Variants in GNAQ observed in about 807,000 individuals in gnomAD.
GNAQ encodes G protein subunit alpha q.
Under a neutral mutation model 43.9 loss-of-function variants are expected in GNAQ, and 8 were observed. That is an observed-to-expected ratio of 0.18 (90% CI 0.11 to 0.33). The LOEUF is 0.33. Among genes scored for constraint, GNAQ ranks in the 10% least tolerant of loss-of-function variants. The pLI, the probability that GNAQ is intolerant of heterozygous loss-of-function variation, is 1.00. For missense variants in GNAQ, 158 were observed against 450.8 expected (o/e 0.35, Z 5.88); for synonymous variants, 155 against 170.7 (o/e 0.91, Z 0.71).
chr9:77,882,548 C>T (rs796642993), intron 2 of GNAQ, among the ~76,000 whole-genome samples: 49 of 152,224 alleles, frequency 3.2e-4, no homozygotes, highest in African/African-American at 1.1e-3. Context: ...GTTGATTATG[C>T]GAGCTGTTTA....
chr9:77,862,766 ATTTTC>A (rs1187734789), intron 2 of GNAQ, among the ~76,000 whole-genome samples: 2 of 152,146 alleles, frequency 1.3e-5, no homozygotes, highest in African/African-American at 4.8e-5. Flanking sequence ...ATAAAATGGA[ATTTTC>A]TTTTCTATCA....
At chr9:77,750,720 A>G (rs1470997371) in intron 5 of GNAQ, among the ~76,000 whole-genome samples, 2 of 152,214 alleles carry the variant, frequency 1.3e-5, no homozygotes, top group East Asian at 3.9e-4. Flanking sequence ...AACACTTGCT[A>G]TATTAACCTC....
intron 5 of GNAQ, among the ~76,000 whole-genome samples, chr9:77,759,849 A>G (rs1825962381): frequency 6.6e-6 from 1 of 152,082 alleles, no homozygotes; most frequent in Non-Finnish European, 1.5e-5. Context: ...ACTACAGTAT[A>G]TAATGTTCTT....
chr9:77,999,667 T>C (rs904966313), intron 1 of GNAQ, among the ~76,000 whole-genome samples: 6 of 152,218 alleles, frequency 3.9e-5, no homozygotes, highest in African/African-American at 7.2e-5. Context: ...AAACATTTAC[T>C]GACCATCTAT....
intron 3 of GNAQ, among the ~76,000 whole-genome samples, chr9:77,801,226 C>T (rs1826738979): frequency 6.6e-6 from 1 of 152,158 alleles, no homozygotes; most frequent in African/African-American, 2.4e-5. Flanking sequence ...CACATACCTG[C>T]CACTAGAAAA....
chr9:77,797,721 C>A (rs2118457525), intron 3 of GNAQ, 73 bp from the exon 4 acceptor site: 20 of 1,336,494 alleles, frequency 1.5e-5, no homozygotes, highest in Admixed American at 7.8e-5. Context: ...AAGGGAAGGA[C>A]AAAAATGAGT....
At chr9:78,020,559 C>G (rs1321672142) in intron 1 of GNAQ, among the ~76,000 whole-genome samples, 2 of 152,150 alleles carry the variant, frequency 1.3e-5, no homozygotes, top group Non-Finnish European at 2.9e-5. Context: ...GTGGATGTGA[C>G]AATGAGGATG....
At chr9:78,011,099 A>G (rs1159185051) in intron 1 of GNAQ, among the ~76,000 whole-genome samples, 1 of 152,214 alleles carries the variant, frequency 6.6e-6, no homozygotes, top group Non-Finnish European at 1.5e-5. Context: ...GCAAGGCTCC[A>G]TTCTGAATGA....
chr9:77,962,906 A>C (rs181568642), intron 1 of GNAQ, among the ~76,000 whole-genome samples: 164 of 151,792 alleles, frequency 1.1e-3, no homozygotes, highest in African/African-American at 3.6e-3. Context: ...AAAAAAAAAA[A>C]AAAAAAAAAC....
chr9:77,748,155 A>G (rs774318443), intron 5 of GNAQ, among the ~76,000 whole-genome samples: 1 of 152,226 alleles, frequency 6.6e-6, no homozygotes, highest in African/African-American at 2.4e-5. Flanking sequence ...AATAAAATCC[A>G]GTGAAAGACA....
intron 5 of GNAQ, among the ~76,000 whole-genome samples, chr9:77,746,722 G>C (rs1825736340): frequency 6.6e-6 from 1 of 152,102 alleles, no homozygotes; most frequent in African/African-American, 2.4e-5. Context: ...TTGAAAGGAT[G>C]GGAGAAAAAT....
intron 1 of GNAQ, among the ~76,000 whole-genome samples, chr9:78,019,292 C>T (rs758544297): frequency 2.0e-5 from 3 of 152,160 alleles, no homozygotes; most frequent in Non-Finnish European, 4.4e-5. Context: ...TCGTTTCTAA[C>T]GTGATCTGGA....
intron 5 of GNAQ, among the ~76,000 whole-genome samples, chr9:77,769,332 A>G (rs1826182929): frequency 6.6e-6 from 1 of 151,758 alleles, no homozygotes; most frequent in Admixed American, 6.6e-5. Context: ...AACCTGGGAA[A>G]TGGAGGTTGC....
chr9:77,836,332 G>A (rs1241651564), intron 2 of GNAQ, among the ~76,000 whole-genome samples: 2 of 152,188 alleles, frequency 1.3e-5, no homozygotes, highest in Non-Finnish European at 2.9e-5. Flanking sequence ...CCCAGCAGGA[G>A]TAAGAAAGTT....
At chr9:77,827,123 GGTT>G (rs1827209877) in intron 2 of GNAQ, among the ~76,000 whole-genome samples, 1 of 151,158 alleles carries the variant, frequency 6.6e-6, no homozygotes, top group African/African-American at 2.4e-5. Context: ...ACATAGAAAA[GGTT>G]TTTTTTTCTC....
At chr9:77,754,486 A>C (rs750796699) in intron 5 of GNAQ, among the ~76,000 whole-genome samples, 1 of 152,184 alleles carries the variant, frequency 6.6e-6, no homozygotes, top group African/African-American at 2.4e-5. Flanking sequence ...TATTCCAGTA[A>C]ACAGAGCAAA....
intron 2 of GNAQ, among the ~76,000 whole-genome samples, chr9:77,846,902 G>A (rs1015464472): frequency 1.3e-5 from 2 of 152,074 alleles, no homozygotes; most frequent in Non-Finnish European, 2.9e-5. Context: ...TGAGGCTCAC[G>A]AACTTCACTG....
intron 1 of GNAQ, among the ~76,000 whole-genome samples, chr9:77,986,537 G>A (rs548325606): frequency 1.3e-5 from 2 of 152,112 alleles, no homozygotes; most frequent in African/African-American, 4.8e-5. Flanking sequence ...ACAGGGTCTC[G>A]TTCTGTCGCC....
At chr9:77,776,863 CT>C (rs746503945) in intron 5 of GNAQ, among the ~76,000 whole-genome samples, 2,625 of 134,562 alleles carry the variant, frequency 0.02, 40 homozygotes, top group African/African-American at 0.049. Flanking sequence ...TCCCAGGTGC[CT>C]TTTTTTTTTT....
Sources: gnomAD v4.1 joint callset for allele counts (sites outside exome capture counted in the v4.1 genomes callset) on GRCh38, gnomAD v4.1.1 for gene constraint, MANE v1.5 for transcripts, NCBI Gene and HGNC (gene_info 2026-07-23, HGNC 2026-07-21) for gene names.